The following CNTN6 variants were observed in gnomAD, a reference collection of about 807,000 sequenced individuals.
CNTN6 encodes the protein contactin-6.
A neutral mutation model predicts 122.8 loss-of-function variants in CNTN6; 137 were observed. The observed-to-expected ratio is 1.12, with a 90% CI of 0.97 to 1.29. The LOEUF is 1.29. Among genes scored for constraint, CNTN6 ranks in the 50% most tolerant of loss-of-function variants. The probability of loss-of-function intolerance (pLI) is 0.00; values close to 1 mark genes in which losing one functional copy is unlikely to be tolerated. For synonymous variants in CNTN6, 570 were observed against 426.0 expected (o/e 1.34, Z -4.16); for missense variants, 1,634 against 1,223.4 (o/e 1.34, Z -5.01).
Position 1,392,559 on chromosome 3 carries a change from A to G in CNTN6, c.2704+6762A>G, listed in dbSNP as rs1310808703. 5.4e-5 allele frequency among the ~76,000 whole-genome samples: 8 copies of G among 148,666 alleles called. No individual in the cohort carries two copies. The East Asian group carries it at 1.6e-3, about 30-fold the overall frequency. On this transcript the variant is annotated intron_variant, in intron 20 of 22. Transcript: ENST00000446702. ...ACAAAAGACAAAATTGACAAATGGG[A>G]TCTAATTAAACTAAAGAGCTTCTGC...
intron 4 of CNTN6, among the ~76,000 whole-genome samples, chr3:1,268,374 G>A (rs9871255): frequency 0.52 from 78,047 of 151,382 alleles, 21,192 homozygotes; most frequent in East Asian, 0.82. Flanking sequence ...TTGGGAGGCC[G>A]AGGCGGGCGG....
At chr3:1,104,314 CAT>C (rs766679772) in intron 1 of CNTN6, among the ~76,000 whole-genome samples, 9 of 151,988 alleles carry the variant, frequency 5.9e-5, no homozygotes, top group East Asian at 3.9e-4. Flanking sequence ...TAAAAAGAAA[CAT>C]ATATTTACTA....
intron 12 of CNTN6, among the ~76,000 whole-genome samples, chr3:1,360,156 T>C (rs1707241972): frequency 6.6e-6 from 1 of 152,096 alleles, no homozygotes. Flanking sequence ...TATTAGTGGT[T>C]TAGTTTGAAG....
chr3:1,254,184 G>A (rs1283143622), intron 4 of CNTN6, among the ~76,000 whole-genome samples: 8 of 151,770 alleles, frequency 5.3e-5, no homozygotes, highest in African/African-American at 9.7e-5. Context: ...TTTTCATCTC[G>A]TGCTTTCTTT....
intron 1 of CNTN6, among the ~76,000 whole-genome samples, chr3:1,108,416 G>A (rs1355682069): frequency 6.6e-6 from 1 of 151,950 alleles, no homozygotes; most frequent in Admixed American, 6.6e-5. Context: ...ATAATTTTGA[G>A]CAGGAAACAA....
chr3:1,119,732 A>C (rs1278244638), intron 1 of CNTN6, among the ~76,000 whole-genome samples: 1 of 152,040 alleles, frequency 6.6e-6, no homozygotes, highest in Admixed American at 6.6e-5. Context: ...CTTTATTAAG[A>C]TATAACTCAC....
chr3:1,381,446 G>C (rs115755150), intron 17 of CNTN6, among the ~76,000 whole-genome samples: 1 of 152,032 alleles, frequency 6.6e-6, no homozygotes, highest in Non-Finnish European at 1.5e-5. Context: ...GGTAATGGGG[G>C]TTTATTTTAA....
At chr3:1,160,365 T>TATATATATATATATATATATATATAA (rs1486849078) in intron 2 of CNTN6, among the ~76,000 whole-genome samples, 1 of 133,458 alleles carries the variant, frequency 7.5e-6, no homozygotes, top group Non-Finnish European at 1.6e-5. Flanking sequence ...TATATATATA[T>TATATATATATATATATATATATATAA]ATACACACTA....
intron 9 of CNTN6, among the ~76,000 whole-genome samples, chr3:1,326,384 A>G (rs899844646): frequency 6.6e-6 from 1 of 151,860 alleles, no homozygotes; most frequent in Non-Finnish European, 1.5e-5. Context: ...ATGAGTTTCA[A>G]AGAGGTTAGG....
intron 20 of CNTN6, 58 bp from the exon 21 acceptor site, chr3:1,401,375 C>T: frequency 7.2e-7 from 1 of 1,390,674 alleles, no homozygotes; most frequent in Non-Finnish European, 1.0e-6. Context: ...GTTGATGCAT[C>T]ATACTTTGAC....
intron 1 of CNTN6, among the ~76,000 whole-genome samples, chr3:1,128,734 A>T (rs1280579412): frequency 6.6e-6 from 1 of 151,780 alleles, no homozygotes; most frequent in East Asian, 1.9e-4. Flanking sequence ...ATATTTATTT[A>T]CAGAGCAACA....
chr3:1,159,613 A>G (rs980433982), intron 2 of CNTN6, among the ~76,000 whole-genome samples: 1 of 151,828 alleles, frequency 6.6e-6, no homozygotes, highest in African/African-American at 2.4e-5. Context: ...CATTAATTTT[A>G]TTTCTTTTTA....
intron 4 of CNTN6, among the ~76,000 whole-genome samples, chr3:1,272,344 C>G (rs17036955): frequency 0.032 from 4,812 of 152,248 alleles, 114 homozygotes; most frequent in South Asian, 0.068. Flanking sequence ...CCTCAATTTC[C>G]TCCTTCGCTA....
chr3:1,202,407 G>A (rs995191460), intron 2 of CNTN6, among the ~76,000 whole-genome samples: 3 of 149,246 alleles, frequency 2.0e-5, no homozygotes, highest in African/African-American at 2.5e-5. Flanking sequence ...GGGCGTGGTG[G>A]CGGGCGCCTG....
chr3:1,202,512 G>A (rs530196359), intron 2 of CNTN6, among the ~76,000 whole-genome samples: 9 of 150,646 alleles, frequency 6.0e-5, no homozygotes, highest in African/African-American at 2.2e-4. Context: ...CCGCCCTCCA[G>A]CCTGGGCGAC....
intron 12 of CNTN6, among the ~76,000 whole-genome samples, chr3:1,368,080 A>G (rs974795099): frequency 6.6e-6 from 1 of 152,246 alleles, no homozygotes; most frequent in Non-Finnish European, 1.5e-5. Context: ...AGAAATAGAA[A>G]TTAAACTTAA....
intron 4 of CNTN6, among the ~76,000 whole-genome samples, chr3:1,245,655 A>G (rs1334721101): frequency 1.3e-5 from 2 of 151,736 alleles, no homozygotes; most frequent in Non-Finnish European, 1.5e-5. Context: ...ATGTAACCAA[A>G]CACCACCTGT....
chr3:1,292,558 A>G (rs1695506438), intron 5 of CNTN6, among the ~76,000 whole-genome samples: 1 of 152,198 alleles, frequency 6.6e-6, no homozygotes, highest in Non-Finnish European at 1.5e-5. Context: ...TTTGTATTTT[A>G]ACAAGCTTCT....
chr3:1,323,110 C>T (rs1701088212), intron 8 of CNTN6, among the ~76,000 whole-genome samples: 2 of 151,668 alleles, frequency 1.3e-5, no homozygotes, highest in Non-Finnish European at 3.0e-5. Context: ...AAGTACCTTT[C>T]TGTATACTGA....
Sources: gnomAD v4.1 joint callset for allele counts (sites outside exome capture counted in the v4.1 genomes callset) on GRCh38, gnomAD v4.1.1 for gene constraint, MANE v1.5 for transcripts, NCBI Gene and HGNC (gene_info 2026-07-23, HGNC 2026-07-21) for gene names.